Variants in L2HGDH observed in about 807,000 individuals in gnomAD.
The protein encoded by L2HGDH is L-2-hydroxyglutarate dehydrogenase, mitochondrial.
In L2HGDH, 34 loss-of-function variants were observed where a neutral mutation model predicts 51.5. That is an observed-to-expected ratio of 0.66 (90% CI 0.50 to 0.88). The LOEUF (loss-of-function observed/expected upper bound fraction) is 0.88. Among genes scored for constraint, L2HGDH ranks in the 40% least tolerant of loss-of-function variants. The pLI is 0.00. For missense variants in L2HGDH, 558 were observed against 571.9 expected, an observed-to-expected ratio of 0.98 and a Z score of 0.25; for synonymous variants, 198 against 197.9, an observed-to-expected ratio of 1.00 and a Z score of -0.01.
chr14:50,252,893 C>T (rs899253032), intron 9 of L2HGDH, among the ~76,000 whole-genome samples: 6 of 151,978 alleles, frequency 3.9e-5, no homozygotes, highest in African/African-American at 1.4e-4. Context: ...AGAACCTCGA[C>T]AAAGAAATGT....
chr14:50,243,511 C>T lies in L2HGDH; in HGVS notation c.*3547G>A, dbSNP rs895168790. The T allele has an allele frequency of 1.0e-4, 74 of 731,786 alleles. No individual in the cohort carries two copies. The African/African-American group carries it at 1.2e-3, about 12-fold the overall frequency. 45.3% of individuals were successfully genotyped at this position (731,786 alleles called of 1,614,324 possible). On this transcript the variant is annotated 3_prime_UTR_variant, in exon 10 of 10. Coordinates refer to ENST00000267436, the MANE Select transcript of L2HGDH (RefSeq NM_024884.3). ...TTAAAATATTTTAAATATTAATATACATTTCTTCTGTCAGAAATACATAAA... is the reference window on the plus strand; with the variant it reads ...TTAAAATATTTTAAATATTAATATATATTTCTTCTGTCAGAAATACATAAA...
At chr14:50,297,832 C>A (rs1222929553) in intron 3 of L2HGDH, among the ~76,000 whole-genome samples, 1 of 152,100 alleles carries the variant, frequency 6.6e-6, no homozygotes, top group Non-Finnish European at 1.5e-5. Context: ...GTGGTTCACA[C>A]CTGTAATTTC....
At chr14:50,286,145 A>G (rs1566527322) in intron 4 of L2HGDH, among the ~76,000 whole-genome samples, 1 of 152,156 alleles carries the variant, frequency 6.6e-6, no homozygotes, top group South Asian at 2.1e-4. Context: ...CCAGACAAGC[A>G]GGACAGGGAA....
At chr14:50,276,276 A>G (rs747096148) in intron 6 of L2HGDH, among the ~76,000 whole-genome samples, 3 of 152,258 alleles carry the variant, frequency 2.0e-5, no homozygotes, top group Non-Finnish European at 4.4e-5. Context: ...GATGCTTGCC[A>G]AAGGCAAAGA....
intron 3 of L2HGDH, 123 bp from the exon 4 acceptor site, chr14:50,294,369 A>G (rs1252069977): frequency 8.7e-6 from 8 of 917,548 alleles, no homozygotes; most frequent in African/African-American, 5.1e-5. Flanking sequence ...TTTTAAAATT[A>G]TTTTTTCTTC....
intron 3 of L2HGDH, among the ~76,000 whole-genome samples, chr14:50,295,808 G>A (rs576776906): frequency 1.4e-5 from 2 of 144,616 alleles, no homozygotes; most frequent in African/African-American, 2.6e-5. Context: ...GCAGGATCTC[G>A]TCTCACTGCA....
intron 3 of L2HGDH, among the ~76,000 whole-genome samples, chr14:50,295,783 G>C (rs1289165970): frequency 3.4e-5 from 5 of 147,782 alleles, no homozygotes; most frequent in South Asian, 2.1e-4. Flanking sequence ...TTGTCACCCA[G>C]GCTGGAGTGC....
intron 9 of L2HGDH, among the ~76,000 whole-genome samples, chr14:50,249,159 C>A (rs1298710997): frequency 6.6e-6 from 1 of 152,200 alleles, no homozygotes; most frequent in Admixed American, 6.5e-5. Flanking sequence ...GTGGTCAGAA[C>A]TTGAGTTTCC....
intron 9 of L2HGDH, among the ~76,000 whole-genome samples, chr14:50,254,555 A>C (rs554999946): frequency 2.0e-5 from 3 of 151,880 alleles, no homozygotes; most frequent in Admixed American, 6.6e-5. Flanking sequence ...CCAATGTAAA[A>C]CTCTGCTGTA....
In L2HGDH at chr14:50,312,082, G is replaced by C. The variant is rs757365260; in HGVS notation, c.69C>G (p.Ser23=). The change falls in exon 1 of 10, where the codon TCC becomes TCG. Residue 23 remains serine, a synonymous_variant. Transcript: ENST00000267436. Reference sequence around the variant, plus strand: ...CAGACGCGAACCCGCACGCCCCAGGGGAGCCACCGGCGAAAAGCCCGCGGG... The same window carrying C: ...CAGACGCGAACCCGCACGCCCCAGGCGAGCCACCGGCGAAAAGCCCGCGGG... ...GRARGLFAGG[S]PGACGFASGR... The C allele has an allele frequency of 1.3e-5, 21 of 1,605,084 alleles. No individual in the cohort carries two copies. The Admixed American group carries it at 2.9e-4, about 22-fold the overall frequency.
chr14:50,278,089 A>G (rs1890069598), intron 6 of L2HGDH, among the ~76,000 whole-genome samples: 1 of 152,282 alleles, frequency 6.6e-6, no homozygotes. Flanking sequence ...CAGCGAACCT[A>G]CAGGGAATCC....
rs1027312804 is a variant in L2HGDH at position 50,312,216 on chromosome 14, C to A, written c.-66G>T. 1.9e-6 allele frequency: 3 copies of A among 1,586,606 alleles called. No individual in the cohort carries two copies. The highest frequency in any genetic ancestry group is 3.5e-5 in the Admixed American group (2 of 57,434). On this transcript the variant is annotated 5_prime_UTR_variant, in exon 1 of 10. Coordinates refer to ENST00000267436, the MANE Select transcript of L2HGDH (RefSeq NM_024884.3). ...CACTTGACCCTCCACGGCCGAGGACCCGCGCTCTTTAGCCCCGCCCCTCAC... is the reference window on the plus strand; with the variant it reads ...CACTTGACCCTCCACGGCCGAGGACACGCGCTCTTTAGCCCCGCCCCTCAC...
chr14:50,247,373 C>T (rs1888069431), intron 9 of L2HGDH, 120 bp from the exon 10 acceptor site: 1 of 1,471,698 alleles, frequency 6.8e-7, no homozygotes, highest in Middle Eastern at 2.3e-4. Flanking sequence ...TATATGGAAA[C>T]CCAATGAGTT....
chr14:50,250,672 A>G (rs1888293577), intron 9 of L2HGDH, among the ~76,000 whole-genome samples: 1 of 152,154 alleles, frequency 6.6e-6, no homozygotes, highest in African/African-American at 2.4e-5. Context: ...TTGCATCACC[A>G]CACCCCCCAG....
chr14:50,243,373 G>A lies in L2HGDH; in HGVS notation c.*3685C>T. 3.0e-6 allele frequency: 3 copies of A among 983,732 alleles called. No individual in the cohort carries two copies. The highest frequency in any genetic ancestry group is 3.6e-6 in the Non-Finnish European group (3 of 828,644). 60.9% of individuals were successfully genotyped at this position (983,732 alleles called of 1,614,324 possible). ...ACACAGAAATGAGTTTTTTAAAAAG[G>A]TTGGCTGCTATCTATCTAAAGCAAA... On this transcript the variant is annotated 3_prime_UTR_variant, in exon 10 of 10. Transcript: ENST00000267436.
intron 4 of L2HGDH, among the ~76,000 whole-genome samples, chr14:50,292,825 C>T (rs1030978592): frequency 1.3e-4 from 20 of 151,630 alleles, no homozygotes; most frequent in African/African-American, 4.6e-4. Context: ...ATGGAGGTTG[C>T]AGTAAGCCGA....
intron 4 of L2HGDH, among the ~76,000 whole-genome samples, chr14:50,292,990 G>C (rs948588931): frequency 6.6e-6 from 1 of 152,064 alleles, no homozygotes; most frequent in South Asian, 2.1e-4. Flanking sequence ...CCAGGAGTTC[G>C]AGACCAGCCT....
chr14:50,290,927 C>T (rs1157842421), intron 4 of L2HGDH, among the ~76,000 whole-genome samples: 2 of 152,008 alleles, frequency 1.3e-5, no homozygotes, highest in African/African-American at 2.4e-5. Context: ...TGGCCGGGCA[C>T]GGTGGCTCAC....
At chr14:50,298,831 C>A (rs544625648) in intron 3 of L2HGDH, among the ~76,000 whole-genome samples, 1 of 151,960 alleles carries the variant, frequency 6.6e-6, no homozygotes, top group African/African-American at 2.4e-5. Context: ...TGGGAAACAG[C>A]GAAAGCCGTA....
Sources: gnomAD v4.1 joint callset for allele counts (sites outside exome capture counted in the v4.1 genomes callset) on GRCh38, gnomAD v4.1.1 for gene constraint, MANE v1.5 for transcripts, NCBI Gene and HGNC (gene_info 2026-07-23, HGNC 2026-07-21) for gene names.